The following AMZ1 variants were observed in gnomAD, a reference collection of about 807,000 sequenced individuals.
AMZ1 encodes archaemetzincin-1.
Under a neutral mutation model 29.9 loss-of-function variants are expected in AMZ1, and 39 were observed. The observed-to-expected ratio is 1.30, with a 90% CI of 1.01 to 1.70. The LOEUF (loss-of-function observed/expected upper bound fraction) is 1.70, where lower values mean the gene tolerates loss of function less well. Ranked by LOEUF, AMZ1 falls within the 40% of genes most tolerant of loss-of-function variation. The pLI is 0.00. For missense variants in AMZ1, 1,041 were observed against 680.6 expected (o/e 1.53, Z -5.89); for synonymous variants, 458 against 304.0 (o/e 1.51, Z -5.27).
chr7:2,744,148 C>T lies in AMZ1; in HGVS notation n.551-20564C>T, dbSNP rs540602928. On this transcript the variant is annotated intron_variant and non_coding_transcript_variant, in intron 4 of 4. Coordinates refer to the AMZ1 transcript ENST00000489665. ...TAACCTCTGCAGACTTAAATGTCCC[C>T]GTCTGACAGCTTTGAAGAGAGTAGT... Among the ~76,000 whole-genome samples, 1,182 of 152,300 alleles carry T rather than the reference C, an allele frequency of 7.8e-3. 12 individuals are homozygous for T. Among genetic ancestry groups the T allele is most frequent in the African/African-American group, 0.024 (1,002 of 41,556 alleles).
intron 4 of AMZ1, among the ~76,000 whole-genome samples, chr7:2,745,563 A>T (rs926152867): frequency 2.6e-5 from 4 of 152,314 alleles, no homozygotes; most frequent in Admixed American, 2.0e-4. Context: ...CACTGCAATA[A>T]CATACCAAAT....
At chr7:2,708,502 A>C in intron 3 of AMZ1, 86 bp from the exon 4 acceptor site, 1 of 1,575,050 alleles carries the variant, frequency 6.3e-7, no homozygotes, top group Non-Finnish European at 8.6e-7. Flanking sequence ...AGGCAGAGGA[A>C]GAGGATGACG....
chr7:2,706,015 A>T (rs1788333412), intron 3 of AMZ1, among the ~76,000 whole-genome samples: 2 of 151,460 alleles, frequency 1.3e-5, no homozygotes, highest in East Asian at 3.9e-4. Context: ...AGGGCTTTCC[A>T]CCCCCTCTGC....
At chr7:2,703,430 C>T (rs1178384700) in intron 3 of AMZ1, among the ~76,000 whole-genome samples, 3 of 152,116 alleles carry the variant, frequency 2.0e-5, no homozygotes, top group Admixed American at 6.5e-5. Flanking sequence ...CGTGAGTCAC[C>T]GTCACTGGCT....
upstream of AMZ1, among the ~76,000 whole-genome samples, chr7:2,685,318 G>C (rs193242458): frequency 3.5e-3 from 527 of 151,900 alleles, 3 homozygotes; most frequent in African/African-American, 0.012. Context: ...AGCAATTTGG[G>C]AGGCCAAGGC....
At chr7:2,739,094 T>A (rs798516) in intron 4 of AMZ1, among the ~76,000 whole-genome samples, 50 of 152,174 alleles carry the variant, frequency 3.3e-4, no homozygotes, top group African/African-American at 1.0e-3. Context: ...GTGTGCAGGG[T>A]TGCTGTCACA....
chr7:2,709,606 A>C (rs777515160), intron 5 of AMZ1, 34 bp from the exon 6 acceptor site: 2 of 1,595,350 alleles, frequency 1.3e-6, no homozygotes, highest in African/African-American at 2.7e-5. Flanking sequence ...GGGGCAAGGC[A>C]GTGAGGCAAG....
Position 2,712,584 on chromosome 7 carries a change from G to T in AMZ1, c.1203G>T (p.Ala401=). 1.9e-6 allele frequency: 3 copies of T among 1,612,168 alleles called. No individual in the cohort carries two copies. The highest frequency in any genetic ancestry group is 2.5e-6 in the Non-Finnish European group (3 of 1,179,562). ...CTCCGCTGCCACCTGGGGGCCCTGCGGAGGCCATCAAGGAGCATGAACGGT... is the reference window on the plus strand; with the variant it reads ...CTCCGCTGCCACCTGGGGGCCCTGCTGAGGCCATCAAGGAGCATGAACGGT... ...SEAPLPPGGP[A]EAIKEHERWL... is the part of the protein sequence containing the mutation. The change falls in exon 7 of 7, where the codon GCG becomes GCT. Residue 401 remains alanine, a synonymous_variant. Transcript: ENST00000683327.
upstream of AMZ1, among the ~76,000 whole-genome samples, chr7:2,685,069 C>G (rs1787023331): frequency 6.6e-6 from 1 of 151,588 alleles, no homozygotes; most frequent in Non-Finnish European, 1.5e-5. Flanking sequence ...TGGAGTTTCA[C>G]TGTGTTAGCC....
rs185328158 is a variant in AMZ1 at position 2,681,695 on chromosome 7, G to A, written c.-219+2024G>A. ...TGTCATTGGAGATTCGTCCCCACGT[G>A]CCTGGTCCGTGTGTCTTTTCCTGCT... On this transcript the variant is annotated intron_variant, in intron 1 of 6. Coordinates refer to the AMZ1 transcript ENST00000312371. 3.8e-3 allele frequency among the ~76,000 whole-genome samples: 586 copies of A among 152,272 alleles called. 15 individuals carry two copies. The highest frequency in any genetic ancestry group is 0.02 in the Middle Eastern group (6 of 294).
rs531562916 is a variant in AMZ1, at chr7:2,688,281, G to T, written c.-234G>T. 1.9e-4 allele frequency: 29 copies of T among 151,898 alleles called. No individual in the cohort carries two copies. Among genetic ancestry groups the T allele is most frequent in the African/African-American group, 6.5e-4 (27 of 41,504 alleles). 9.4% of individuals were successfully genotyped at this position (151,898 alleles called of 1,614,324 possible). A position where few individuals can be genotyped will look rare whatever the true frequency, so the allele number is the denominator to read the frequency against. On this transcript the variant is annotated 5_prime_UTR_variant, in exon 1 of 7. Coordinates refer to ENST00000683327, the MANE Select transcript of AMZ1 (RefSeq NM_001384743.1). ...GGCGCGGCCTCTGCCGGCTCCGGCG[G>T]GCGCGGGACTGCGAGGTAGGGGGGC...
upstream of AMZ1, chr7:2,763,047 C>T: frequency 7.2e-6 from 9 of 1,247,566 alleles, no homozygotes; most frequent in Non-Finnish European, 9.0e-6. Flanking sequence ...GCGTGCCGTT[C>T]CTCCAGGACG....
At chr7:2,680,323 C>T (rs11761611) in intron 1 of AMZ1, among the ~76,000 whole-genome samples, 4,615 of 152,212 alleles carry the variant, frequency 0.03, 149 homozygotes, top group African/African-American at 0.077. Context: ...CCTGGGTCTC[C>T]GGCCCCACAG....
upstream of AMZ1, among the ~76,000 whole-genome samples, chr7:2,684,616 G>T (rs568318807): frequency 4.3e-4 from 65 of 152,328 alleles, 1 homozygote; most frequent in Non-Finnish European, 5.3e-4. Context: ...CAACCAGAAA[G>T]GGGTGTGCAG....
intron 4 of AMZ1, among the ~76,000 whole-genome samples, chr7:2,724,812 G>A (rs1300695641): frequency 2.0e-5 from 3 of 152,194 alleles, no homozygotes; most frequent in Non-Finnish European, 2.9e-5. Context: ...GCCACGTGCC[G>A]AGGCTGCCGG....
chr7:2,733,537 G>C (rs117101662), intron 4 of AMZ1: 1 of 1,552,636 alleles, frequency 6.4e-7, no homozygotes, highest in Non-Finnish European at 8.9e-7. Context: ...GCTCAGTCTG[G>C]ACTGAGGAAT....
In AMZ1 at chr7:2,700,591, C is replaced by T. The variant is rs922352369; in HGVS notation, c.140C>T (p.Ala47Val). The stretch of plus-strand genomic sequence containing the variant: ...GCCGAGCGGCTCTTCCTGGCCGAGG[C>T]CTACAACCCGCAGAGGACGCTCTTC... ...SPAERLFLAE[A>V]YNPQRTLFCT... The change falls in exon 2 of 7, where the codon GCC (alanine) becomes GTC (valine). Residue 47 changes from alanine to valine, a missense_variant. By Grantham distance (64) the Ala-to-Val change is moderately conservative (BLOSUM62 0). Coordinates refer to ENST00000683327, the MANE Select transcript of AMZ1 (RefSeq NM_001384743.1). 2 of 1,610,478 alleles carry T rather than the reference C, an allele frequency of 1.2e-6. No homozygotes were observed. The highest frequency in any genetic ancestry group is 8.5e-7 in the Non-Finnish European group (1 of 1,179,980).
intron 4 of AMZ1, among the ~76,000 whole-genome samples, chr7:2,746,250 A>C (rs1790757830): frequency 6.6e-6 from 1 of 152,208 alleles, no homozygotes; most frequent in African/African-American, 2.4e-5. Context: ...CCTATTCCAA[A>C]ATTGACCACT....
At chr7:2,761,402 G>C (rs1791548462), upstream of AMZ1, among the ~76,000 whole-genome samples, 1 of 152,226 alleles carries the variant, frequency 6.6e-6, no homozygotes, top group African/African-American at 2.4e-5. Flanking sequence ...GTGCCACACA[G>C]ACTCCCAAGG....
Sources: gnomAD v4.1 joint callset for allele counts (sites outside exome capture counted in the v4.1 genomes callset) on GRCh38, gnomAD v4.1.1 for gene constraint, MANE v1.5 for transcripts, NCBI Gene and HGNC (gene_info 2026-07-23, HGNC 2026-07-21) for gene names.